The following PLEKHG7 variants were observed in gnomAD, a reference collection of about 807,000 sequenced individuals.
PLEKHG7 encodes the protein pleckstrin homology domain-containing family G member 7.
Under a neutral mutation model 85.2 loss-of-function variants are expected in PLEKHG7, and 77 were observed. The ratio of observed to expected loss-of-function variants is 0.90; its 90% CI spans 0.75 to 1.09. The LOEUF is 1.09. Among genes scored for constraint, PLEKHG7 ranks in the 50% least tolerant of loss-of-function variants. PLEKHG7 has a pLI of 0.00. For synonymous variants in PLEKHG7, 301 were observed against 302.4 expected, an observed-to-expected ratio of 1.00 and a Z score of 0.05; for missense variants, 777 against 804.3, an observed-to-expected ratio of 0.97 and a Z score of 0.41.
chr12:92,761,639 A>AAAGGAAGAAAGAAAGG (rs766646399), intron 13 of PLEKHG7, 113 bp from the exon 14 acceptor site: 1 of 492,358 alleles, frequency 2.0e-6, no homozygotes, highest in Non-Finnish European at 2.9e-6. Flanking sequence ...AGAAAGAAAG[A>AAAGGAAGAAAGAAAGG]AAGAAAGAAA....
chr12:92,716,655 G>A (rs750417035), intron 3 of PLEKHG7, among the ~76,000 whole-genome samples: 4 of 152,178 alleles, frequency 2.6e-5, no homozygotes, highest in Non-Finnish European at 5.9e-5. Context: ...TTAGGCTTAA[G>A]GGATATACAC....
At chr12:92,758,312 AG>A (rs1193240188) in intron 13 of PLEKHG7, among the ~76,000 whole-genome samples, 2 of 152,246 alleles carry the variant, frequency 1.3e-5, no homozygotes, top group Non-Finnish European at 2.9e-5. Flanking sequence ...GACATTGCAA[AG>A]GCAAAACCAG....
At chr12:92,758,224 A>G (rs1872889485) in intron 13 of PLEKHG7, among the ~76,000 whole-genome samples, 1 of 152,120 alleles carries the variant, frequency 6.6e-6, no homozygotes, top group Admixed American at 6.6e-5. Flanking sequence ...CCCTCTTCCT[A>G]CCTACCTCCC....
In PLEKHG7 at chr12:92,741,643, C is replaced by T. The variant is rs559242316; in HGVS notation, c.1137+51C>T. 4 of 1,404,090 alleles carry T rather than the reference C, an allele frequency of 2.8e-6. No homozygotes were observed. The Admixed American group carries it at 7.2e-5, about 25-fold the overall frequency. The allele number at this position is 1,404,090 out of a possible 1,614,324, so 87.0% of individuals were successfully genotyped here. ...CTTCATGTAGTAAAATCACCCACCT[C>T]CCAGGACAGTTGTTTATACCCTACT... On this transcript the variant is annotated intron_variant, in intron 9 of 16. Transcript: ENST00000344636.
intron 3 of PLEKHG7, among the ~76,000 whole-genome samples, chr12:92,714,324 T>C (rs140775976): frequency 2.4e-4 from 37 of 152,296 alleles, no homozygotes; most frequent in African/African-American, 8.4e-4. Flanking sequence ...GCTGTTTTTT[T>C]CTAGCAAAAA....
chr12:92,751,751 T>C (rs1872696123), intron 10 of PLEKHG7, among the ~76,000 whole-genome samples: 1 of 151,966 alleles, frequency 6.6e-6, no homozygotes, highest in Non-Finnish European at 1.5e-5. Context: ...AGCCAGGTAC[T>C]ATGGCTCACA....
At chr12:92,741,622 A>G (rs1303397539) in intron 9 of PLEKHG7, 30 bp downstream of exon 9, 2 of 1,545,662 alleles carry the variant, frequency 1.3e-6, no homozygotes, top group Non-Finnish European at 8.9e-7. Flanking sequence ...CCTCAGCTTC[A>G]TGTAGTAAAA....
Position 92,738,875 on chromosome 12 carries a change from G to A in PLEKHG7, c.939+1354G>A, listed in dbSNP as rs370149658. 4.6e-5 allele frequency among the ~76,000 whole-genome samples: 7 copies of A among 152,254 alleles called. No individual in the cohort carries two copies. In the East Asian group the frequency reaches 5.8e-4, roughly 13 times the overall value. On this transcript the variant is annotated intron_variant, in intron 7 of 16. Coordinates refer to ENST00000344636, the MANE Select transcript of PLEKHG7 (RefSeq NM_001377329.1). ...TCCTTAACTTAGCAAAATGTGAACC[G>A]CAAAGACACTCTAGGAGAAAACTGA...
At position 92,764,101 on chromosome 12, in the gene PLEKHG7, G is replaced by A. The variant is rs553321926; in HGVS notation, c.1777G>A (p.Val593Ile). The A allele has an allele frequency of 1.1e-4, 178 of 1,613,296 alleles. 2 individuals carry two copies. In the South Asian group the frequency reaches 1.9e-3, roughly 17 times the overall value. The change falls in exon 15 of 17, where the codon GTA becomes ATA. Residue 593 changes from valine (V) to isoleucine (I), a missense_variant. By Grantham distance (29) the Val-to-Ile change is conservative. Transcript: ENST00000344636. Reference sequence around the variant, plus strand: ...TTCTCTTACTCCTGAGTTGCAAGCAGTAATAAAAGAGGGTGGTTCGTGTAC... The same window carrying A: ...TTCTCTTACTCCTGAGTTGCAAGCAATAATAAAAGAGGGTGGTTCGTGTAC... The part of the protein sequence containing the change: ...CPSLTPELQA[V>I]IKEGGSCTVL...
chr12:92,764,497 G>A (rs547048156), intron 15 of PLEKHG7, among the ~76,000 whole-genome samples: 1 of 152,112 alleles, frequency 6.6e-6, no homozygotes, highest in Non-Finnish European at 1.5e-5. Flanking sequence ...TAACAAATGT[G>A]ATGCATTCAA....
chr12:92,764,306 CTG>C, intron 15 of PLEKHG7, 112 bp downstream of exon 15: 2 of 1,136,306 alleles, frequency 1.8e-6, no homozygotes, highest in South Asian at 1.8e-5. Flanking sequence ...AAAAACAAGA[CTG>C]TGTTCCTATG....
rs1872503484 is a variant in PLEKHG7 at position 92,745,362 on chromosome 12, A to AAG, written c.1138-116_1138-115insAG. 30 of 671,232 alleles carry AAG rather than the reference A, an allele frequency of 4.5e-5. No homozygotes were observed. The African/African-American group carries it at 4.7e-4, about 11-fold the overall frequency. The allele number at this position is 671,232 out of a possible 1,614,324, so 41.6% of individuals were successfully genotyped here. Reference sequence around the variant, plus strand: ...TTGTGGCGCCTGCTTGATCATGGCGACTCCTCCACTTTTCCCTGTTCTAGT... The same window carrying AAG: ...TTGTGGCGCCTGCTTGATCATGGCGAAGCTCCTCCACTTTTCCCTGTTCTAGT... On this transcript the variant is annotated intron_variant, in intron 9 of 16. Transcript: ENST00000344636.
Position 92,706,451 on chromosome 12 carries a change from T to C in PLEKHG7, c.-161-20T>C, listed in dbSNP as rs1871229239. 2 of 662,502 alleles carry C rather than the reference T, an allele frequency of 3.0e-6. No individual in the cohort carries two copies. The highest frequency in any genetic ancestry group is 4.8e-6 in the Non-Finnish European group (2 of 420,168). The allele number at this position is 662,502 out of a possible 1,614,324, so 41.0% of individuals were successfully genotyped here. ...CCCTCATTTGCTACATATTTCACAG[T>C]CTGCTCTTCCTCACTACAGATGCAA... On this transcript the variant is annotated intron_variant, in intron 1 of 16. Transcript: ENST00000344636.
chr12:92,707,425 G>A (rs1223026857), intron 2 of PLEKHG7: 27 of 1,431,108 alleles, frequency 1.9e-5, no homozygotes, highest in South Asian at 7.8e-5. Context: ...TCAGGTACCC[G>A]AGAGCAATGG....
chr12:92,715,587 C>A (rs1871462274), intron 3 of PLEKHG7, among the ~76,000 whole-genome samples: 2 of 152,094 alleles, frequency 1.3e-5, no homozygotes, highest in Non-Finnish European at 2.9e-5. Context: ...TCTGCAGCAG[C>A]CATTTGTTCA....
At chr12:92,750,622 A>G (rs1872665558) in intron 10 of PLEKHG7, among the ~76,000 whole-genome samples, 1 of 152,154 alleles carries the variant, frequency 6.6e-6, no homozygotes, top group South Asian at 2.1e-4. Flanking sequence ...CTGCTGAGAA[A>G]TCAGTTACAA....
At chr12:92,723,788 G>T (rs7132767) in intron 3 of PLEKHG7, among the ~76,000 whole-genome samples, 80,331 of 151,848 alleles carry the variant, frequency 0.53, 22,133 homozygotes, top group East Asian at 0.9. Context: ...CAGAAACACA[G>T]AAGCCATCCA....
At chr12:92,755,731 A>C in intron 11 of PLEKHG7, 94 bp from the exon 12 acceptor site, 1 of 817,980 alleles carries the variant, frequency 1.2e-6, no homozygotes, top group Non-Finnish European at 2.1e-6. Context: ...AGGGGCAGCC[A>C]GTGTTTCTAA....
intron 6 of PLEKHG7, among the ~76,000 whole-genome samples, chr12:92,737,138 C>T (rs1872180955): frequency 1.3e-5 from 2 of 152,108 alleles, no homozygotes; most frequent in Admixed American, 6.5e-5. Context: ...AGAAATAATG[C>T]ACATTGTGCA....
Sources: allele counts gnomAD v4.1 joint callset (sites outside exome capture counted in the v4.1 genomes callset), GRCh38; gene constraint gnomAD v4.1.1; transcripts MANE v1.5; gene names NCBI Gene and HGNC (gene_info 2026-07-23, HGNC 2026-07-21).